Variants in BBS9 observed in about 807,000 individuals in gnomAD.
The protein encoded by BBS9 is Bardet-Biedl syndrome 9, also known as protein PTHB1.
BBS9 carries 89 observed loss-of-function variants against 117.7 expected under a neutral mutation model. The observed-to-expected ratio is 0.76, with a 90% confidence interval of 0.64 to 0.90. The LOEUF (loss-of-function observed/expected upper bound fraction) is 0.90. Ranked by LOEUF, BBS9 falls within the 40% of genes least tolerant of loss-of-function variation. The pLI is 0.00. For synonymous variants in BBS9, 379 were observed against 370.9 expected, an observed-to-expected ratio of 1.02 and a Z score of -0.25; for missense variants, 982 against 1,042.2, an observed-to-expected ratio of 0.94 and a Z score of 0.80.
intron 5 of BBS9, among the ~76,000 whole-genome samples, chr7:33,232,985 A>G (rs1309160051): frequency 6.6e-6 from 1 of 152,168 alleles, no homozygotes; most frequent in Non-Finnish European, 1.5e-5. Context: ...CCATAATTCT[A>G]TTACAATTGT....
At chr7:33,203,584 TAG>T (rs750225839) in intron 5 of BBS9, among the ~76,000 whole-genome samples, 4 of 152,306 alleles carry the variant, frequency 2.6e-5, no homozygotes, top group Non-Finnish European at 4.4e-5. Flanking sequence ...TAATGTACCC[TAG>T]ATAATTCTCA....
At chr7:33,611,628 T>G (rs1267890763) in intron 21 of BBS9, among the ~76,000 whole-genome samples, 1 of 130,230 alleles carries the variant, frequency 7.7e-6, no homozygotes, top group Non-Finnish European at 1.6e-5. Context: ...AATTATTTAA[T>G]AATATTATTA....
At chr7:33,399,626 G>A (rs1036229118) in intron 19 of BBS9, among the ~76,000 whole-genome samples, 1 of 152,046 alleles carries the variant, frequency 6.6e-6, no homozygotes, top group Non-Finnish European at 1.5e-5. Flanking sequence ...TATGAAAAGG[G>A]ACTTAGAATC....
At chr7:33,382,436 G>A (rs1935741174) in intron 17 of BBS9, among the ~76,000 whole-genome samples, 1 of 149,440 alleles carries the variant, frequency 6.7e-6, no homozygotes, top group African/African-American at 2.5e-5. Context: ...CTCCAGCCTG[G>A]GTGACAGAGT....
intron 5 of BBS9, among the ~76,000 whole-genome samples, chr7:33,241,805 T>G (rs1163292756): frequency 1.3e-5 from 2 of 152,132 alleles, no homozygotes; most frequent in Non-Finnish European, 2.9e-5. Context: ...TGGTCATTGA[T>G]AAGGTCTCTT....
intron 20 of BBS9, among the ~76,000 whole-genome samples, chr7:33,526,099 G>A (rs1340744210): frequency 6.6e-6 from 1 of 151,208 alleles, no homozygotes; most frequent in Non-Finnish European, 1.5e-5. Context: ...TGGCTTGTAG[G>A]GTTTCTGCTG....
chr7:33,294,286 CTATCATCTATCT>C (rs1174526528), intron 9 of BBS9, among the ~76,000 whole-genome samples: 7 of 149,184 alleles, frequency 4.7e-5, no homozygotes, highest in Non-Finnish European at 8.9e-5. Context: ...TTCCATCTAT[CTATCATCTATCT>C]ATCTATCTAT....
chr7:33,220,547 A>G (rs1894872), intron 5 of BBS9, among the ~76,000 whole-genome samples: 73,022 of 152,110 alleles, frequency 0.48, 18,029 homozygotes, highest in Admixed American at 0.57. Context: ...GTGTGCATAA[A>G]CATAAAGGCT....
chr7:33,601,527 TC>T (rs1863790400), intron 21 of BBS9, among the ~76,000 whole-genome samples: 2 of 152,268 alleles, frequency 1.3e-5, no homozygotes, highest in African/African-American at 4.8e-5. Context: ...CATATTTTTT[TC>T]CTAGCAAAAG....
chr7:33,209,453 G>A (rs776932747), intron 5 of BBS9, among the ~76,000 whole-genome samples: 2 of 152,174 alleles, frequency 1.3e-5, no homozygotes, highest in Non-Finnish European at 2.9e-5. Context: ...TCTTTTGGGT[G>A]TGTAACTGGG....
In BBS9 at chr7:33,618,461, G is replaced by C. The variant is rs1268030535; in HGVS notation, c.2522-16716G>C. 2.0e-5 allele frequency among the ~76,000 whole-genome samples: 3 copies of C among 152,202 alleles called. No homozygotes were observed. The East Asian group carries it at 5.8e-4, about 29-fold the overall frequency. ...ACTACATTAATACCATCATGGTGGT[G>C]CATAAATCACTTTGACCTCTAGTAT... On this transcript the variant is annotated intron_variant, in intron 21 of 21. Coordinates refer to the BBS9 transcript ENST00000671952.
chr7:33,301,772 CT>C (rs1163280709), intron 9 of BBS9, among the ~76,000 whole-genome samples: 1 of 152,042 alleles, frequency 6.6e-6, no homozygotes, highest in African/African-American at 2.4e-5. Context: ...TACTGATTTG[CT>C]TTCTTTTGTG....
At chr7:33,248,421 C>T (rs2128296300) in intron 5 of BBS9, among the ~76,000 whole-genome samples, 1 of 152,198 alleles carries the variant, frequency 6.6e-6, no homozygotes, top group South Asian at 2.1e-4. Flanking sequence ...AAGAAGCTAG[C>T]TATTCTTTCA....
intron 19 of BBS9, among the ~76,000 whole-genome samples, chr7:33,450,452 T>A (rs1159621408): frequency 6.6e-6 from 1 of 152,226 alleles, no homozygotes; most frequent in Admixed American, 6.5e-5. Flanking sequence ...AACTCCATAC[T>A]GTTTTTCATA....
chr7:33,560,605 A>G (rs1855948865), intron 21 of BBS9, among the ~76,000 whole-genome samples: 1 of 152,180 alleles, frequency 6.6e-6, no homozygotes, highest in Non-Finnish European at 1.5e-5. Context: ...CTGTTGCTTC[A>G]GTGGATGTAC....
chr7:33,168,952 C>G, intron 4 of BBS9, among the ~76,000 whole-genome samples: 1 of 151,242 alleles, frequency 6.6e-6, no homozygotes, highest in Non-Finnish European at 1.5e-5. Context: ...CAATGCTATC[C>G]CTCCCCGCTC....
At chr7:33,526,080 A>G (rs1464635917) in intron 20 of BBS9, among the ~76,000 whole-genome samples, 1 of 150,448 alleles carries the variant, frequency 6.6e-6, no homozygotes, top group East Asian at 2.0e-4. Context: ...ATTGGCCTCC[A>G]CTCTCTTCTG....
chr7:33,322,449 C>T (rs1811934025), intron 9 of BBS9, among the ~76,000 whole-genome samples: 2 of 140,914 alleles, frequency 1.4e-5, no homozygotes, highest in South Asian at 4.4e-4. Context: ...TTTGGATTTC[C>T]TCATGGTTCA....
chr7:33,341,008 A>G, intron 11 of BBS9, 35 bp downstream of exon 11: 1 of 1,576,214 alleles, frequency 6.3e-7, no homozygotes, highest in African/African-American at 1.3e-5. Flanking sequence ...GGGGTTTATA[A>G]GAGTGGTAAA....
Sources: gnomAD v4.1 joint callset for allele counts (sites outside exome capture counted in the v4.1 genomes callset) on GRCh38, gnomAD v4.1.1 for gene constraint, MANE v1.5 for transcripts, NCBI Gene and HGNC (gene_info 2026-07-23, HGNC 2026-07-21) for gene names.